The following EFR3A variants were observed in gnomAD, a reference collection of about 807,000 sequenced individuals.
EFR3A encodes EFR3 homolog A.
In EFR3A, 76 loss-of-function variants were observed where a neutral mutation model predicts 104.4. The ratio of observed to expected loss-of-function variants is 0.73; its 90% CI spans 0.60 to 0.88. The LOEUF is 0.88. EFR3A is among the 40% of genes least tolerant of loss of function. The pLI, the probability that EFR3A is intolerant of heterozygous loss-of-function variation, is 0.00. For synonymous variants in EFR3A, 330 were observed against 330.0 expected (o/e 1.00, Z 0.00); for missense variants, 985 against 1,012.5 (o/e 0.97, Z 0.37).
chr8:131,965,606 G>A (rs574237158), intron 8 of EFR3A, among the ~76,000 whole-genome samples: 1 of 152,192 alleles, frequency 6.6e-6, no homozygotes, highest in Non-Finnish European at 1.5e-5. Flanking sequence ...CTTTTACACT[G>A]TTGGTGGGAC....
At chr8:131,980,104 GA>G (rs1820529036) in intron 14 of EFR3A, among the ~76,000 whole-genome samples, 1 of 152,000 alleles carries the variant, frequency 6.6e-6, no homozygotes, top group African/African-American at 2.4e-5. Flanking sequence ...CCCTTATAAC[GA>G]ACACAGTATT....
At chr8:131,937,482 G>T (rs567277554) in intron 1 of EFR3A, among the ~76,000 whole-genome samples, 13 of 152,206 alleles carry the variant, frequency 8.5e-5, no homozygotes, top group Non-Finnish European at 1.9e-4. Flanking sequence ...TTTTCCCAAA[G>T]TTATCCCACT....
At chr8:131,909,017 T>C (rs1450708366) in intron 1 of EFR3A, among the ~76,000 whole-genome samples, 1 of 152,246 alleles carries the variant, frequency 6.6e-6, no homozygotes, top group African/African-American at 2.4e-5. Flanking sequence ...TTCTAGCTAC[T>C]TTGAAATATA....
Position 132,010,821 on chromosome 8 carries a change from A to C in EFR3A, c.2392A>C (p.Ile798Leu). 6.2e-7 allele frequency: 1 copy of C among 1,612,448 alleles called. No individual in the cohort carries two copies. Among genetic ancestry groups the C allele is most frequent in the Non-Finnish European group, 8.5e-7 (1 of 1,178,846 alleles). Residue 798 changes from isoleucine (I) to leucine (L), a missense_variant, in exon 23 of 23, where the codon ATT (isoleucine) becomes CTT (leucine). Ile to Leu is a conservative substitution (Grantham distance 5). Coordinates refer to ENST00000254624, the MANE Select transcript of EFR3A (RefSeq NM_015137.6). The stretch of plus-strand genomic sequence containing the variant: ...TCCCAGTCCATCAGGAACACTGACC[A>C]TTACTTCTGGGCATGCCCAATACCA... ...PPPSPSGTLT[I>L]TSGHAQYQSV...
At chr8:131,912,176 C>T (rs528091248) in intron 1 of EFR3A, among the ~76,000 whole-genome samples, 1 of 152,190 alleles carries the variant, frequency 6.6e-6, no homozygotes, top group African/African-American at 2.4e-5. Context: ...GTTAACTGTG[C>T]CATTCAGCTA....
chr8:131,949,636 T>C (rs558988346), intron 4 of EFR3A, among the ~76,000 whole-genome samples: 1 of 151,982 alleles, frequency 6.6e-6, no homozygotes, highest in African/African-American at 2.4e-5. Context: ...AGACCCCCAT[T>C]GTTACAAAAA....
At chr8:131,930,472 A>C (rs1817536858) in intron 1 of EFR3A, among the ~76,000 whole-genome samples, 1 of 151,658 alleles carries the variant, frequency 6.6e-6, no homozygotes, top group Non-Finnish European at 1.5e-5. Flanking sequence ...ATATCAGCAC[A>C]ATCTTAAGAG....
chr8:132,007,025 T>G (rs1563713202), intron 22 of EFR3A, among the ~76,000 whole-genome samples: 1 of 151,930 alleles, frequency 6.6e-6, no homozygotes. Context: ...AGAGTAATTA[T>G]AAAAAAATCT....
intron 12 of EFR3A, 121 bp downstream of exon 12, chr8:131,977,213 T>C (rs1586638957): frequency 1.6e-6 from 1 of 616,650 alleles, no homozygotes; most frequent in Admixed American, 3.5e-5. Context: ...GTTAGTATTT[T>C]ATTATGTTCT....
chr8:131,919,156 C>T (rs1380749997), intron 1 of EFR3A, among the ~76,000 whole-genome samples: 2 of 151,742 alleles, frequency 1.3e-5, no homozygotes, highest in African/African-American at 2.4e-5. Flanking sequence ...CCCCCATATT[C>T]AGCTTTTCAT....
chr8:131,996,608 C>A (rs1821502906), intron 19 of EFR3A, 111 bp downstream of exon 19: 2 of 567,214 alleles, frequency 3.5e-6, no homozygotes, highest in African/African-American at 4.0e-5. Flanking sequence ...AAATTATCCT[C>A]AAATCAACTA....
Position 131,930,559 on chromosome 8 carries a change from A to G in EFR3A, c.11-9940A>G, listed in dbSNP as rs968915460. ...GATAATTTCACTTTTCCTTTACTATACTTGAAATACTTGGCTTAGGATTTT... is the reference window on the plus strand; with the variant it reads ...GATAATTTCACTTTTCCTTTACTATGCTTGAAATACTTGGCTTAGGATTTT... On this transcript the variant is annotated intron_variant, in intron 1 of 22. Transcript: ENST00000254624. Among the ~76,000 whole-genome samples, 8 of 151,928 alleles carry G rather than the reference A, an allele frequency of 5.3e-5. 1 individual carries two copies.
chr8:131,934,850 C>T (rs1187129079), intron 1 of EFR3A, among the ~76,000 whole-genome samples: 1 of 151,836 alleles, frequency 6.6e-6, no homozygotes, highest in Non-Finnish European at 1.5e-5. Context: ...TGTTTTGGTA[C>T]CTGGAAAGGA....
At chr8:131,996,845 T>C (rs1447553797) in intron 19 of EFR3A, among the ~76,000 whole-genome samples, 4 of 152,134 alleles carry the variant, frequency 2.6e-5, no homozygotes, top group African/African-American at 9.6e-5. Context: ...CTCTAGGTCC[T>C]ACTTATTTTT....
chr8:131,923,393 T>C (rs1817146039), intron 1 of EFR3A, among the ~76,000 whole-genome samples: 1 of 152,076 alleles, frequency 6.6e-6, no homozygotes, highest in African/African-American at 2.4e-5. Flanking sequence ...CTATTCTCAA[T>C]ATTTGTGACA....
chr8:131,917,326 G>A (rs1245357277), intron 1 of EFR3A, among the ~76,000 whole-genome samples: 2 of 152,156 alleles, frequency 1.3e-5, no homozygotes, highest in African/African-American at 2.4e-5. Flanking sequence ...CCTCCCCGTC[G>A]ATTGGTTTCT....
At chr8:131,984,565 C>T (rs1200011754) in intron 15 of EFR3A, among the ~76,000 whole-genome samples, 1 of 151,860 alleles carries the variant, frequency 6.6e-6, no homozygotes, top group Non-Finnish European at 1.5e-5. Flanking sequence ...TCCACACTTC[C>T]TACACTGGGG....
At chr8:131,938,225 A>G (rs1357052813) in intron 1 of EFR3A, 2 of 397,878 alleles carry the variant, frequency 5.0e-6, no homozygotes, top group East Asian at 3.6e-5. Flanking sequence ...CTGATACAAC[A>G]TGAAGGACTA....
At chr8:131,944,609 G>A (rs1818329366) in intron 2 of EFR3A, 136 bp from the exon 3 acceptor site, 1 of 840,600 alleles carries the variant, frequency 1.2e-6, no homozygotes, top group African/African-American at 1.7e-5. Context: ...GCACTAAGGA[G>A]GTTATGTGCA....
Sources: gnomAD v4.1 joint callset for allele counts (sites outside exome capture counted in the v4.1 genomes callset) on GRCh38, gnomAD v4.1.1 for gene constraint, MANE v1.5 for transcripts, NCBI Gene and HGNC (gene_info 2026-07-23, HGNC 2026-07-21) for gene names.